The following PVT1 variants were observed in gnomAD, a reference collection of about 807,000 sequenced individuals.
PVT1 encodes Pvt1 oncogene.
chr8:128,093,205 T>C (rs925089247), intron 5 of PVT1, among the ~76,000 whole-genome samples: 1 of 152,218 alleles, frequency 6.6e-6, no homozygotes, highest in Non-Finnish European at 1.5e-5. Context: ...TCCCCACTTC[T>C]GTTTTCTCAT....
chr8:128,046,809 G>T (rs1813619375), intron 4 of PVT1, among the ~76,000 whole-genome samples: 1 of 152,156 alleles, frequency 6.6e-6, no homozygotes, highest in African/African-American at 2.4e-5. Flanking sequence ...ACTTGTCCAG[G>T]AAGAATGAGT....
intron 5 of PVT1, among the ~76,000 whole-genome samples, chr8:128,094,174 G>T (rs942551565): frequency 6.6e-6 from 1 of 152,132 alleles, no homozygotes; most frequent in Non-Finnish European, 1.5e-5. Context: ...ACTATGATCC[G>T]CAAGTTAAAT....
intron 3 of PVT1, among the ~76,000 whole-genome samples, chr8:127,944,626 A>C (rs1483971694): frequency 6.6e-6 from 1 of 151,838 alleles, no homozygotes; most frequent in Non-Finnish European, 1.5e-5. Context: ...GGAGGGATCC[A>C]AAGCAGAGAC....
At chr8:127,887,931 GTTTTTTTTTTTTTT>G (rs560976785) in intron 2 of PVT1, among the ~76,000 whole-genome samples, 7 of 66,588 alleles carry the variant, frequency 1.1e-4, no homozygotes, top group South Asian at 1.6e-3. Flanking sequence ...ACTCTATCTT[GTTTTTTTTTTTTTT>G]TTTTTTTTTT....
intron 2 of PVT1, among the ~76,000 whole-genome samples, chr8:127,860,523 G>T (rs577111751): frequency 6.6e-6 from 1 of 152,040 alleles, no homozygotes; most frequent in Non-Finnish European, 1.5e-5. Flanking sequence ...CCAGCACTTC[G>T]GGAGGCCAAG....
chr8:127,922,255 A>G (rs1467780582), intron 3 of PVT1, among the ~76,000 whole-genome samples: 1 of 137,622 alleles, frequency 7.3e-6, no homozygotes, highest in Non-Finnish European at 1.5e-5. Context: ...ATAATTCTTT[A>G]TTTCTTTTTC....
At chr8:128,100,376 A>G (rs1283276083) in intron 6 of PVT1, among the ~76,000 whole-genome samples, 2 of 152,128 alleles carry the variant, frequency 1.3e-5, no homozygotes, top group Non-Finnish European at 2.9e-5. Flanking sequence ...ACTCAAATCA[A>G]GGCAATAGAC....
chr8:128,094,182 A>T (rs1251125469), intron 5 of PVT1, among the ~76,000 whole-genome samples: 1 of 152,202 alleles, frequency 6.6e-6, no homozygotes, highest in Non-Finnish European at 1.5e-5. Context: ...CCGCAAGTTA[A>T]ATCCAGTCCA....
intron 5 of PVT1, among the ~76,000 whole-genome samples, chr8:128,090,236 A>T (rs1178010617): frequency 1.3e-5 from 2 of 152,182 alleles, no homozygotes. Flanking sequence ...TGGAGTTTTT[A>T]CTTTCAAATA....
At chr8:127,817,058 T>A (rs950803857) in intron 2 of PVT1, among the ~76,000 whole-genome samples, 6 of 146,074 alleles carry the variant, frequency 4.1e-5, no homozygotes, top group Non-Finnish European at 8.9e-5. Context: ...ATTTCATACA[T>A]CTGGTTGCCT....
chr8:127,966,538 A>C (rs909034984), intron 3 of PVT1, among the ~76,000 whole-genome samples: 8 of 152,208 alleles, frequency 5.3e-5, no homozygotes, highest in Non-Finnish European at 1.5e-5. Context: ...TCTTCTCAGC[A>C]GCCAGATAAG....
chr8:128,004,449 C>T (rs1317735368), intron 4 of PVT1, among the ~76,000 whole-genome samples: 1 of 152,160 alleles, frequency 6.6e-6, no homozygotes, highest in Non-Finnish European at 1.5e-5. Flanking sequence ...TCTGCCTTGT[C>T]CCCTCACTTC....
At chr8:127,928,014 C>T (rs1413064100) in intron 3 of PVT1, among the ~76,000 whole-genome samples, 1 of 152,316 alleles carries the variant, frequency 6.6e-6, no homozygotes, top group Non-Finnish European at 1.5e-5. Flanking sequence ...GGGGCCATCT[C>T]CCACTACCTA....
At chr8:127,938,437 T>C (rs1563644814) in intron 3 of PVT1, among the ~76,000 whole-genome samples, 1 of 152,130 alleles carries the variant, frequency 6.6e-6, no homozygotes, top group Non-Finnish European at 1.5e-5. Context: ...CTGCTCCAGA[T>C]GAAAAGAAGA....
chr8:127,834,725 A>AAAAC (rs746160667), intron 2 of PVT1, among the ~76,000 whole-genome samples: 46 of 152,316 alleles, frequency 3.0e-4, no homozygotes, highest in Middle Eastern at 3.4e-3. Flanking sequence ...TACAGGGGAA[A>AAAAC]AAACAAACAA....
chr8:128,056,828 T>TCGTGGCGGGTC (rs1312683735), intron 4 of PVT1, among the ~76,000 whole-genome samples: 1 of 152,214 alleles, frequency 6.6e-6, no homozygotes, highest in African/African-American at 2.4e-5. Flanking sequence ...GCGCTTCTGA[T>TCGTGGCGGGTC]CGTGGCGGGT....
intron 4 of PVT1, among the ~76,000 whole-genome samples, chr8:128,039,261 C>T (rs1207504877): frequency 1.3e-5 from 2 of 152,070 alleles, no homozygotes; most frequent in Non-Finnish European, 2.9e-5. Context: ...CCTTTCCTCC[C>T]TCCTCCCACC....
chr8:127,918,519 G>T (rs1305761292), intron 3 of PVT1, among the ~76,000 whole-genome samples: 1 of 152,164 alleles, frequency 6.6e-6, no homozygotes, highest in Non-Finnish European at 1.5e-5. Context: ...ATGTTTACTG[G>T]CTTCTAGTCT....
chr8:127,991,443 C>T (rs1181386527), intron 4 of PVT1, among the ~76,000 whole-genome samples: 2 of 152,106 alleles, frequency 1.3e-5, no homozygotes, highest in Non-Finnish European at 2.9e-5. Context: ...TGAATTATGT[C>T]TTGGGAGCCC....
Sources: allele counts gnomAD v4.1 joint callset (sites outside exome capture counted in the v4.1 genomes callset), GRCh38; gene constraint gnomAD v4.1.1; transcripts MANE v1.5; gene names NCBI Gene and HGNC (gene_info 2026-07-23, HGNC 2026-07-21).